The following SUCLG1 variants were observed in gnomAD, a reference collection of about 807,000 sequenced individuals.
SUCLG1 encodes succinate-CoA ligase GDP/ADP-forming subunit alpha, also known as succinate--CoA ligase [ADP/GDP-forming] subunit alpha, mitochondrial.
In SUCLG1, 26 loss-of-function variants were observed where a neutral mutation model predicts 37.3. The observed-to-expected ratio is 0.70, with a 90% confidence interval of 0.51 to 0.97. SUCLG1 has a LOEUF of 0.97. Ranked by LOEUF, SUCLG1 falls within the 50% of genes least tolerant of loss-of-function variation. The probability of loss-of-function intolerance (pLI) is 0.00; values close to 1 mark genes in which losing one functional copy is unlikely to be tolerated. For synonymous variants in SUCLG1, 163 were observed against 155.6 expected (o/e 1.05, Z -0.36); for missense variants, 433 against 432.9 (o/e 1.00, Z 0.00).
chr2:84,426,745 A>G (rs1558607527), intron 7 of SUCLG1: 2 of 152,196 alleles, frequency 1.3e-5, no homozygotes, highest in African/African-American at 2.4e-5. Context: ...TGTTCATAAC[A>G]GAAGTCCAGA....
chr2:84,440,982 T>C, intron 5 of SUCLG1, 65 bp downstream of exon 5: 1 of 1,527,306 alleles, frequency 6.5e-7, no homozygotes, highest in Non-Finnish European at 9.1e-7. Flanking sequence ...AAAAATTCTT[T>C]GTGAGTTTTG....
chr2:84,436,179 C>T (rs1263281753), intron 5 of SUCLG1, among the ~76,000 whole-genome samples: 2 of 152,098 alleles, frequency 1.3e-5, no homozygotes, highest in East Asian at 3.8e-4. Context: ...CTACAGCAAC[C>T]TACAGGTAAT....
chr2:84,425,432 C>A lies in SUCLG1; in HGVS notation c.997G>T (p.Gly333Ter). 6.2e-7 allele frequency: 1 copy of A among 1,614,094 alleles called. No individual in the cohort carries two copies. Among genetic ancestry groups the A allele is most frequent in the Non-Finnish European group, 8.5e-7 (1 of 1,180,026 alleles). Residue 333 changes from glycine to a stop codon, truncating the protein, a stop_gained, in exon 8 of 9, where the codon GGA becomes TGA. Coordinates refer to ENST00000393868, the MANE Select transcript of SUCLG1 (RefSeq NM_003849.4). LOFTEE classifies it high-confidence loss of function. ...GAGCTCACCTTGTAGATCGTGGTTC[C>A]CAGCTGTGCAGGAGACATACTGACC... ...VVVSMSPAQL[G>*]TTIYKEFEKR...
At chr2:84,441,914 C>T (rs987616547) in intron 3 of SUCLG1, among the ~76,000 whole-genome samples, 1 of 152,114 alleles carries the variant, frequency 6.6e-6, no homozygotes, top group Non-Finnish European at 1.5e-5. Flanking sequence ...AAAGTACCTA[C>T]ATTACATAGT....
At chr2:84,452,526 C>A (rs1374767011) in intron 1 of SUCLG1, among the ~76,000 whole-genome samples, 1 of 152,156 alleles carries the variant, frequency 6.6e-6, no homozygotes, top group African/African-American at 2.4e-5. Flanking sequence ...TACTGGGGGA[C>A]TTTAAAAGGG....
chr2:84,455,932 C>T (rs1199417884), intron 1 of SUCLG1, among the ~76,000 whole-genome samples: 1 of 152,002 alleles, frequency 6.6e-6, no homozygotes, highest in Non-Finnish European at 1.5e-5. Context: ...TTTAATATTC[C>T]CAATTACATT....
At chr2:84,439,371 C>A (rs187400307) in intron 5 of SUCLG1, among the ~76,000 whole-genome samples, 1 of 152,240 alleles carries the variant, frequency 6.6e-6, no homozygotes, top group Admixed American at 6.5e-5. Context: ...AGAAAGGCAA[C>A]TCAGCACAGA....
At position 84,425,559 on chromosome 2, in the gene SUCLG1, A is replaced by G; in HGVS notation, c.870T>C (p.Thr290=). 6.2e-7 allele frequency: 1 copy of G among 1,614,258 alleles called. No homozygotes were observed. The highest frequency in any genetic ancestry group is 8.5e-7 in the Non-Finnish European group (1 of 1,180,042). ...GACCCATTCTTCTCCCAGGAGGAGC[A>G]GTTAAACCAGCAATGAAGGACACTA... ...KPVVSFIAGL[T]APPGRRMGHA... is the part of the protein sequence containing the mutation. The change falls in exon 8 of 9, where the codon ACT becomes ACC. Residue 290 remains threonine, a synonymous_variant. Coordinates refer to ENST00000393868, the MANE Select transcript of SUCLG1 (RefSeq NM_003849.4).
intron 7 of SUCLG1, among the ~76,000 whole-genome samples, chr2:84,429,328 AC>A: frequency 6.6e-6 from 1 of 152,314 alleles, no homozygotes; most frequent in South Asian, 2.1e-4. Flanking sequence ...TTTAAATTCA[AC>A]TTAACACAGC....
chr2:84,434,110 C>A (rs1672649562), intron 5 of SUCLG1, among the ~76,000 whole-genome samples: 1 of 152,164 alleles, frequency 6.6e-6, no homozygotes, highest in African/African-American at 2.4e-5. Flanking sequence ...TGAACAGATG[C>A]TAGCACCATG....
intron 7 of SUCLG1, chr2:84,426,085 C>T (rs17025013): frequency 0.052 from 9,028 of 174,712 alleles, 546 homozygotes; most frequent in African/African-American, 0.15. Context: ...AAAAGCTGCA[C>T]GACCTTGGAC....
At chr2:84,455,772 C>T (rs1358116159) in intron 1 of SUCLG1, among the ~76,000 whole-genome samples, 3 of 147,734 alleles carry the variant, frequency 2.0e-5, no homozygotes, top group Non-Finnish European at 3.0e-5. Flanking sequence ...GGAGGCGGAG[C>T]TTGCAGTGAG....
rs111718812 is a variant in SUCLG1, at chr2:84,459,057, C to T, written c.97+116G>A. ...TCGAAGCCGGAATCCCAAGCGGCTC[C>T]CAGGCCCCCGCCGAGGTCCAGCCCT... is the stretch of plus-strand genomic sequence containing the variant. On this transcript the variant is annotated intron_variant, in intron 1 of 8. Transcript: ENST00000393868. 31,181 of 1,097,368 alleles carry T rather than the reference C, an allele frequency of 0.028. 1,560 individuals are homozygous for T. The highest frequency in any genetic ancestry group is 0.19 in the African/African-American group (11,564 of 61,750). The allele number at this position is 1,097,368 out of a possible 1,614,324, so 68.0% of individuals were successfully genotyped here. A position where few individuals can be genotyped will look rare whatever the true frequency, so the allele number is the denominator to read the frequency against.
In SUCLG1 at chr2:84,435,750, C is replaced by A. The variant is rs571468740; in HGVS notation, c.590-2315G>T. 8.5e-5 allele frequency among the ~76,000 whole-genome samples: 13 copies of A among 152,306 alleles called. No homozygotes were observed. In the South Asian group the frequency reaches 2.3e-3, roughly 27 times the overall value. ...TGCAACTGATACCCTCTCATGCCCC[C>A]CTCATGAATAATCATGCAATATTCT... On this transcript the variant is annotated intron_variant, in intron 5 of 8. Transcript: ENST00000393868.
intron 8 of SUCLG1, 47 bp downstream of exon 8, chr2:84,425,368 G>A: frequency 3.1e-6 from 5 of 1,610,952 alleles, no homozygotes; most frequent in Non-Finnish European, 4.2e-6. Flanking sequence ...GCCACACACA[G>A]AGAAAGCCTG....
chr2:84,423,893 A>G, intron 8 of SUCLG1, 121 bp from the exon 9 acceptor site: 1 of 1,050,616 alleles, frequency 9.5e-7, no homozygotes, highest in Non-Finnish European at 1.4e-6. Flanking sequence ...GAACAATCAA[A>G]TTACAGAAGA....
At chr2:84,430,351 C>T (rs1558608469) in intron 7 of SUCLG1, among the ~76,000 whole-genome samples, 3 of 152,164 alleles carry the variant, frequency 2.0e-5, no homozygotes, top group South Asian at 2.1e-4. Context: ...CCTGAGGCAA[C>T]GAGAGATTAA....
chr2:84,448,631 T>G (rs1411691885), intron 2 of SUCLG1, among the ~76,000 whole-genome samples: 1 of 152,006 alleles, frequency 6.6e-6, no homozygotes, highest in East Asian at 1.9e-4. Flanking sequence ...TCTAATTGAT[T>G]TGATAGTATT....
chr2:84,436,939 T>C (rs954086790), intron 5 of SUCLG1, among the ~76,000 whole-genome samples: 3 of 152,224 alleles, frequency 2.0e-5, no homozygotes, highest in Non-Finnish European at 4.4e-5. Context: ...AACTCATCAA[T>C]GGAGTAAGAC....
Sources: allele counts gnomAD v4.1 joint callset (sites outside exome capture counted in the v4.1 genomes callset), GRCh38; gene constraint gnomAD v4.1.1; transcripts MANE v1.5; gene names NCBI Gene and HGNC (gene_info 2026-07-23, HGNC 2026-07-21).